The following CCDC85C variants were observed in gnomAD, a reference collection of about 807,000 sequenced individuals.
CCDC85C encodes coiled-coil domain containing 85C, also known as coiled-coil domain-containing protein 85C.
A neutral mutation model predicts 38.3 loss-of-function variants in CCDC85C; 18 were observed. That is an observed-to-expected ratio of 0.47 (90% CI 0.33 to 0.70). The LOEUF is 0.70. Among genes scored for constraint, CCDC85C ranks in the 30% least tolerant of loss-of-function variants. The pLI is 0.03. For missense variants in CCDC85C, 566 were observed against 621.2 expected (o/e 0.91, Z 0.94); for synonymous variants, 264 against 293.8 (o/e 0.90, Z 1.04).
At chr14:99,581,779 G>C (rs2054973036) in intron 1 of CCDC85C, among the ~76,000 whole-genome samples, 1 of 152,246 alleles carries the variant, frequency 6.6e-6, no homozygotes. Flanking sequence ...AATGGCCCCA[G>C]ATGTGAGCAG....
Position 99,501,209 on chromosome 14 carries a change from C to T in CCDC85C, c.*14037G>A. ...AGGAAGAAGGGGTAGGATGTGGACC[C>T]ACATCATTCATCCTTGTTTCCCACG... On this transcript the variant is annotated 3_prime_UTR_variant, in exon 6 of 6. Coordinates refer to ENST00000380243, the MANE Select transcript of CCDC85C (RefSeq NM_001144995.2). 1 of 647,636 alleles carries T rather than the reference C, an allele frequency of 1.5e-6. No homozygotes were observed. The highest frequency in any genetic ancestry group is 1.8e-5 in the South Asian group (1 of 54,234). 40.1% of individuals were successfully genotyped at this position (647,636 alleles called of 1,614,324 possible).
In CCDC85C at chr14:99,588,936, G is replaced by A. The variant is rs576025859; in HGVS notation, c.793+14231C>T. On this transcript the variant is annotated intron_variant, in intron 1 of 5. Transcript: ENST00000380243. The surrounding 1 kb of genome is among the most constrained non-coding windows in gnomAD (Gnocchi z 5.0). ...GAACCAACTGCTTCACCTCATATGT[G>A]GGTAAACTGAGGCCTGGGGAGACTG... Among the ~76,000 whole-genome samples the A allele has an allele frequency of 2.4e-4, 36 of 152,210 alleles. No homozygotes were observed. Among genetic ancestry groups the A allele is most frequent in the African/African-American group, 8.2e-4 (34 of 41,544 alleles).
In CCDC85C at chr14:99,558,032, A is replaced by C. The variant is rs931723218; in HGVS notation, c.794-21944T>G. ...CAGAAGAAAGTGCGTGTGCAGCTTA[A>C]TCTTAGGGGAAAAAAATATCAACCA... is the stretch of plus-strand genomic sequence containing the variant. On this transcript the variant is annotated intron_variant, in intron 1 of 5. Coordinates refer to ENST00000380243, the MANE Select transcript of CCDC85C (RefSeq NM_001144995.2). This position sits in a 1 kb window ranked among gnomAD's most constrained non-coding sequence, Gnocchi z 4.2. 6.6e-6 allele frequency among the ~76,000 whole-genome samples: 1 copy of C among 152,222 alleles called. No individual in the cohort carries two copies. The highest frequency in any genetic ancestry group is 2.4e-5 in the African/African-American group (1 of 41,464).
rs551088249 is a variant in CCDC85C, at chr14:99,512,757, T to A, written c.*2489A>T. The A allele has an allele frequency of 6.6e-6, 1 of 152,268 alleles. No individual in the cohort carries two copies. The highest frequency in any genetic ancestry group is 1.5e-5 in the Non-Finnish European group (1 of 68,016). The allele number at this position is 152,268 out of a possible 1,614,324, so 9.4% of individuals were successfully genotyped here. A position where few individuals can be genotyped will look rare whatever the true frequency, so the allele number is the denominator to read the frequency against. On this transcript the variant is annotated 3_prime_UTR_variant, in exon 6 of 6. Coordinates refer to ENST00000380243, the MANE Select transcript of CCDC85C (RefSeq NM_001144995.2). Reference sequence around the variant, plus strand: ...CACTGGGGGCTTTCAGAGCTAAGGCTCCAGAAGGAAGGGGGTCGCCCTGCT... The same window carrying A: ...CACTGGGGGCTTTCAGAGCTAAGGCACCAGAAGGAAGGGGGTCGCCCTGCT...
At chr14:99,559,597 C>T (rs1898077718) in intron 1 of CCDC85C, among the ~76,000 whole-genome samples, 1 of 152,218 alleles carries the variant, frequency 6.6e-6, no homozygotes, top group East Asian at 1.9e-4. Flanking sequence ...CCGATCACAA[C>T]TTCACCAGCC....
intron 3 of CCDC85C, among the ~76,000 whole-genome samples, chr14:99,519,552 A>G (rs1021690491): frequency 3.9e-5 from 6 of 152,188 alleles, no homozygotes; most frequent in Non-Finnish European, 5.9e-5. Context: ...AAGTGAGGAT[A>G]CCAGTGTGCA....
rs567104822 is a variant in CCDC85C at position 99,566,719 on chromosome 14, G to T, written c.794-30631C>A. Among the ~76,000 whole-genome samples, 3 of 152,268 alleles carry T rather than the reference G, an allele frequency of 2.0e-5. No homozygotes were observed. The South Asian group carries it at 6.2e-4, about 31-fold the overall frequency. ...GGCCTGTAAGCAAACTCTGCCCCAC[G>T]TCCACTGGCCACCATGGCACCTGGG... On this transcript the variant is annotated intron_variant, in intron 1 of 5. Coordinates refer to ENST00000380243, the MANE Select transcript of CCDC85C (RefSeq NM_001144995.2).
At position 99,520,615 on chromosome 14, in the gene CCDC85C, G is replaced by A. The variant is rs1897290762; in HGVS notation, c.975+1518C>T. ...CTCCTGGGGGCCTGCCCGCCGACCAGCCCTGATCATGGCCCCTGAACCTCA... is the reference window on the plus strand; with the variant it reads ...CTCCTGGGGGCCTGCCCGCCGACCAACCCTGATCATGGCCCCTGAACCTCA... On this transcript the variant is annotated intron_variant, in intron 3 of 5. Coordinates refer to ENST00000380243, the MANE Select transcript of CCDC85C (RefSeq NM_001144995.2). This position sits in a 1 kb window ranked among gnomAD's most constrained non-coding sequence, Gnocchi z 4.1. 6.6e-6 allele frequency among the ~76,000 whole-genome samples: 1 copy of A among 151,874 alleles called. No individual in the cohort carries two copies.
chr14:99,577,888 C>A (rs1898522637), intron 1 of CCDC85C, among the ~76,000 whole-genome samples: 1 of 149,428 alleles, frequency 6.7e-6, no homozygotes, highest in Non-Finnish European at 1.5e-5. Flanking sequence ...CATCTCCACA[C>A]CCATACAGCC....
chr14:99,546,370 G>A (rs558604308), intron 1 of CCDC85C, among the ~76,000 whole-genome samples: 3 of 152,126 alleles, frequency 2.0e-5, no homozygotes, highest in East Asian at 2.0e-4. Context: ...AGGTGGAGGC[G>A]GCTCAGGAAA....
Position 99,572,132 on chromosome 14 carries a change from A to G in CCDC85C, c.793+31035T>C, listed in dbSNP as rs941561. On this transcript the variant is annotated intron_variant, in intron 1 of 5. Transcript: ENST00000380243. This position sits in a 1 kb window ranked among gnomAD's most constrained non-coding sequence, Gnocchi z 4.4. ...GCGGCAAGGGCCAGATTCCCCACATACCCTCCCAAGCCTGAGGGCTCAAAT... is the reference window on the plus strand; with the variant it reads ...GCGGCAAGGGCCAGATTCCCCACATGCCCTCCCAAGCCTGAGGGCTCAAAT... 0.78 allele frequency among the ~76,000 whole-genome samples: 118,804 copies of G among 152,036 alleles called. 46,514 individuals carry two copies. Among genetic ancestry groups the G allele is most frequent in the South Asian group, 0.85 (4,082 of 4,826 alleles).
At chr14:99,567,303 G>A (rs1361571677) in intron 1 of CCDC85C, among the ~76,000 whole-genome samples, 4 of 152,200 alleles carry the variant, frequency 2.6e-5, no homozygotes, top group African/African-American at 9.7e-5. Flanking sequence ...CAGACCCACA[G>A]GAACACAGCA....
Position 99,522,191 on chromosome 14 carries a change from T to C in CCDC85C, c.917A>G (p.Tyr306Cys), listed in dbSNP as rs1241503758. 1 of 1,550,830 alleles carries C rather than the reference T, an allele frequency of 6.4e-7. No homozygotes were observed. The highest frequency in any genetic ancestry group is 2.4e-5 in the East Asian group (1 of 40,906). Residue 306 changes from tyrosine to cysteine, a missense_variant, in exon 3 of 6, where the codon TAC becomes TGC. Physicochemically the swap from Tyr to Cys is radical, Grantham distance 194 (BLOSUM62 -2). Around this residue, in one of 3 missense-constraint regions of CCDC85C, gnomAD observed 286 missense variants for 276.4 expected, o/e 1.03. Transcript: ENST00000380243. The stretch of plus-strand genomic sequence containing the variant: ...GGACGCAAGCTGGGACTCCGAGTGG[T>C]AGGGCGAGAAGCCTTTCCGCAGCGT... ...FRTLRKGFSP[Y>C]HSESQLASLP...
rs1418777601 is a variant in CCDC85C at position 99,501,121 on chromosome 14, A to G, written c.*14125T>C. 2 of 601,156 alleles carry G rather than the reference A, an allele frequency of 3.3e-6. No individual in the cohort carries two copies. Among genetic ancestry groups the G allele is most frequent in the Admixed American group, 3.2e-5 (1 of 31,434 alleles). The allele number at this position is 601,156 out of a possible 1,614,324, so 37.2% of individuals were successfully genotyped here. Reference sequence around the variant, plus strand: ...AAATGAGGCAGAATTTTTTAAATGGACTAATAAACTTAGCCTTGGAGCCAG... The same window carrying G: ...AAATGAGGCAGAATTTTTTAAATGGGCTAATAAACTTAGCCTTGGAGCCAG... On this transcript the variant is annotated 3_prime_UTR_variant, in exon 6 of 6. Coordinates refer to ENST00000380243, the MANE Select transcript of CCDC85C (RefSeq NM_001144995.2).
intron 1 of CCDC85C, among the ~76,000 whole-genome samples, chr14:99,543,464 G>A (rs959387836): frequency 7.2e-5 from 11 of 152,168 alleles, no homozygotes; most frequent in African/African-American, 2.4e-4. Context: ...CTACTGCAAC[G>A]CAAAGAGTGG....
In CCDC85C at chr14:99,572,444, A is replaced by C. The variant is rs1296793160; in HGVS notation, c.793+30723T>G. Among the ~76,000 whole-genome samples the C allele has an allele frequency of 6.6e-6, 1 of 151,976 alleles. No individual in the cohort carries two copies. Among genetic ancestry groups the C allele is most frequent in the East Asian group, 1.9e-4 (1 of 5,174 alleles). ...ACCCCAAGGCCCTGCTCCACAGGGA[A>C]GCCAGAGGGCCTCACAAGTATAAAT... On this transcript the variant is annotated intron_variant, in intron 1 of 5. Coordinates refer to ENST00000380243, the MANE Select transcript of CCDC85C (RefSeq NM_001144995.2). This position sits in a 1 kb window ranked among gnomAD's most constrained non-coding sequence, Gnocchi z 4.4.
In CCDC85C at chr14:99,576,163, A is replaced by T. The variant is rs1344614335; in HGVS notation, c.793+27004T>A. ...ACAAAGAGGGCCAGGGGTACATCCA[A>T]GGCATAAACAGACCACAAGTCAAAC... On this transcript the variant is annotated intron_variant, in intron 1 of 5. Transcript: ENST00000380243. This position sits in a 1 kb window ranked among gnomAD's most constrained non-coding sequence, Gnocchi z 4.8. Among the ~76,000 whole-genome samples the T allele has an allele frequency of 6.6e-6, 1 of 152,244 alleles. No individual in the cohort carries two copies. Among genetic ancestry groups the T allele is most frequent in the Non-Finnish European group, 1.5e-5 (1 of 68,044 alleles).
chr14:99,562,660 T>C (rs1211809051), intron 1 of CCDC85C, among the ~76,000 whole-genome samples: 2 of 152,104 alleles, frequency 1.3e-5, no homozygotes, highest in South Asian at 2.1e-4. Flanking sequence ...GTGAGAGGTG[T>C]GTCCCAAGGG....
chr14:99,518,193 C>A (rs36094103), intron 3 of CCDC85C, among the ~76,000 whole-genome samples: 2,352 of 152,210 alleles, frequency 0.015, 43 homozygotes, highest in Middle Eastern at 0.051. Flanking sequence ...CTGGGTTCTG[C>A]GACCCTCAGG....
Sources: gnomAD v4.1 joint callset for allele counts (sites outside exome capture counted in the v4.1 genomes callset) on GRCh38, gnomAD v4.1.1 for gene constraint, gnomAD v4.1.1 regional missense constraint, Gnocchi (gnomAD v3.1) non-coding constraint, MANE v1.5 for transcripts, NCBI Gene and HGNC (gene_info 2026-07-23, HGNC 2026-07-21) for gene names.